The following NOL12 variants were observed in gnomAD, a reference collection of about 807,000 sequenced individuals.
NOL12 encodes the protein nucleolar protein 12.
NOL12 carries 21 observed loss-of-function variants against 25.2 expected under a neutral mutation model. The ratio of observed to expected loss-of-function variants is 0.83; its 90% CI spans 0.59 to 1.20. NOL12 has a LOEUF of 1.20. NOL12 is among the 50% of genes most tolerant of loss of function. The probability of loss-of-function intolerance (pLI) is 0.00; values close to 1 mark genes in which losing one functional copy is unlikely to be tolerated. For missense variants in NOL12, 286 were observed against 287.6 expected (o/e 0.99, Z 0.04); for synonymous variants, 133 against 113.8 (o/e 1.17, Z -1.08).
Position 37,693,326 on chromosome 22 carries a change from C to G in NOL12, c.*1990C>G, listed in dbSNP as rs1005415981. On this transcript the variant is annotated 3_prime_UTR_variant, in exon 6 of 6. Transcript: ENST00000359114. ...ACCACTTACCAAAGTGCCTGTTGCT[C>G]TCCAGGTGTGCCTACCGCATGTTGC... 4 of 152,654 alleles carry G rather than the reference C, an allele frequency of 2.6e-5. No individual in the cohort carries two copies. The highest frequency in any genetic ancestry group is 4.4e-5 in the Non-Finnish European group (3 of 68,078). 9.5% of individuals were successfully genotyped at this position (152,654 alleles called of 1,614,324 possible).
rs1391860607 is a variant in NOL12 at position 37,688,871 on chromosome 22, G to A, written c.260G>A (p.Arg87Gln). The change falls in exon 4 of 6, where the codon CGG (arginine) becomes CAG (glutamine). Residue 87 changes from arginine to glutamine, a missense_variant. Arg to Gln is a conservative substitution (Grantham distance 43). Transcript: ENST00000359114. ...ACAGAGGAGGCAGATGAGCTGGACC[G>A]GTTGGTGACAGCAAAGACGGAGTCG... ...EALEEADELD[R>Q]LVTAKTESVQ... 5.6e-6 allele frequency: 9 copies of A among 1,613,922 alleles called. No homozygotes were observed. Among genetic ancestry groups the A allele is most frequent in the East Asian group, 4.5e-5 (2 of 44,884 alleles).
chr22:37,690,835 G>A (rs1368872402), intron 5 of NOL12, 41 bp downstream of exon 5: 2 of 1,471,170 alleles, frequency 1.4e-6, no homozygotes, highest in South Asian at 2.3e-5. Context: ...CACCCCTCCT[G>A]GCTGGCAGTA....
rs1160076062 is a variant in NOL12, at chr22:37,686,738, CA to C, written c.83+264del. On this transcript the variant is annotated intron_variant, in intron 1 of 5. Coordinates refer to ENST00000359114, the MANE Select transcript of NOL12 (RefSeq NM_024313.3). ...CGGGTCTCAGAGCAGTGGCTTCGACCACCCTAGCCCAGCCCAGTCCATCGGT... is the reference window on the plus strand; with the variant it reads ...CGGGTCTCAGAGCAGTGGCTTCGACCCCCTAGCCCAGCCCAGTCCATCGGT... 6 of 985,354 alleles carry C rather than the reference CA, an allele frequency of 6.1e-6. No individual in the cohort carries two copies. In the African/African-American group the frequency reaches 8.7e-5, roughly 14 times the overall value. The allele number at this position is 985,354 out of a possible 1,614,324, so 61.0% of individuals were successfully genotyped here. A position where few individuals can be genotyped will look rare whatever the true frequency, so the allele number is the denominator to read the frequency against.
intron 3 of NOL12, 93 bp downstream of exon 3, chr22:37,688,453 C>A: frequency 7.3e-7 from 1 of 1,369,436 alleles, no homozygotes; most frequent in Non-Finnish European, 1.0e-6. Flanking sequence ...ACCTCCTTGG[C>A]CCTAGGGATC....
At chr22:37,686,588 G>A (rs1285055732) in intron 1 of NOL12, 113 bp downstream of exon 1, 16 of 1,395,976 alleles carry the variant, frequency 1.1e-5, no homozygotes, top group Non-Finnish European at 1.5e-5. Flanking sequence ...CCCCTGGCGT[G>A]GCTAGAGAAC....
intron 1 of NOL12, chr22:37,686,945 G>A (rs1921841528): frequency 3.0e-6 from 3 of 985,344 alleles, no homozygotes; most frequent in African/African-American, 3.5e-5. Context: ...ATGGCACATG[G>A]TAGCGGGTCA....
At chr22:37,688,465 TG>T in intron 3 of NOL12, 105 bp downstream of exon 3, 7 of 1,247,996 alleles carry the variant, frequency 5.6e-6, no homozygotes, top group Middle Eastern at 2.2e-4. Context: ...CTAGGGATCT[TG>T]GGGGGTACCC....
chr22:37,688,767 CA>C, intron 3 of NOL12, 82 bp from the exon 4 acceptor site: 1 of 1,417,072 alleles, frequency 7.1e-7, no homozygotes. Context: ...GTAGAGGGGG[CA>C]CTGCACTCCA....
At chr22:37,687,875 T>C (rs1921891627) in intron 1 of NOL12, 35 bp from the exon 2 acceptor site, 3 of 1,500,250 alleles carry the variant, frequency 2.0e-6, no homozygotes, top group South Asian at 2.4e-5. Context: ...CCTTGTATAA[T>C]GACTCTCCTG....
At chr22:37,690,637 G>A in intron 4 of NOL12, 60 bp from the exon 5 acceptor site, 2 of 1,298,698 alleles carry the variant, frequency 1.5e-6, no homozygotes, top group Non-Finnish European at 2.2e-6. Flanking sequence ...GGCTCGGGGT[G>A]CCCAGCCCAG....
chr22:37,690,437 A>G (rs1323708810), intron 4 of NOL12, among the ~76,000 whole-genome samples: 3 of 152,224 alleles, frequency 2.0e-5, no homozygotes, highest in African/African-American at 7.2e-5. Context: ...CCGTTTTGCT[A>G]GGATTTTCAT....
Position 37,692,533 on chromosome 22 carries a change from GCAGGAGAGAATTT to G in NOL12, c.*1202_*1214del, listed in dbSNP as rs1922117604. 1 of 398,600 alleles carries G rather than the reference GCAGGAGAGAATTT, an allele frequency of 2.5e-6. No homozygotes were observed. Among genetic ancestry groups the G allele is most frequent in the Non-Finnish European group, 4.4e-6 (1 of 226,146 alleles). The allele number at this position is 398,600 out of a possible 1,614,324, so 24.7% of individuals were successfully genotyped here. On this transcript the variant is annotated 3_prime_UTR_variant, in exon 6 of 6. Coordinates refer to ENST00000359114, the MANE Select transcript of NOL12 (RefSeq NM_024313.3). ...CCTTGTCCCAGCTTGTCAGTCCTGG[GCAGGAGAGAATTT>G]CAGGTTGTGCCTTGGTTAGAGGAGC...
chr22:37,688,363 A>G lies in NOL12; in HGVS notation c.238+3A>G. The G allele has an allele frequency of 1.2e-6, 2 of 1,614,128 alleles. No individual in the cohort carries two copies. Among genetic ancestry groups the G allele is most frequent in the African/African-American group, 2.7e-5 (2 of 75,044 alleles). The stretch of plus-strand genomic sequence containing the variant: ...GGCAGAGAGAGAAGAGGCTCTGGGT[A>G]AGTGGCATGCTTGGCCTGACCTGGA... On this transcript the variant is annotated splice_donor_region_variant and intron_variant, in intron 3 of 5. Coordinates refer to ENST00000359114, the MANE Select transcript of NOL12 (RefSeq NM_024313.3).
rs759889520 is a variant in NOL12 at position 37,691,234 on chromosome 22, T to G, written c.540T>G (p.His180Gln). The change falls in exon 6 of 6, where the codon CAT (histidine) becomes CAG (glutamine). Residue 180 changes from histidine to glutamine, a missense_variant. By Grantham distance (24) the His-to-Gln change is conservative. Transcript: ENST00000359114. Reference sequence around the variant, plus strand: ...GCCGCAAAAAGGTCAAGAGGAAACATCCCCGACGGGCCCAGGACTCCAAAA... The same window carrying G: ...GCCGCAAAAAGGTCAAGAGGAAACAGCCCCGACGGGCCCAGGACTCCAAAA... The part of the protein sequence containing the change: ...AHSRKKVKRK[H>Q]PRRAQDSKKP... The G allele has an allele frequency of 6.2e-7, 1 of 1,613,938 alleles. No homozygotes were observed. The highest frequency in any genetic ancestry group is 2.2e-5 in the East Asian group (1 of 44,874).
In NOL12 at chr22:37,688,318, C is replaced by A. The variant is rs756789450; in HGVS notation, c.196C>A (p.Gln66Lys). ...CCTGCCTGTGTGGTTTCAGCGCCAC[C>A]AGGAATACTTGAAGATGCTGGCAGA... ...EQRKLREERH[Q>K]EYLKMLAERE... The change falls in exon 3 of 6, where the codon CAG (glutamine) becomes AAG (lysine). Residue 66 changes from glutamine to lysine, a missense_variant. By Grantham distance (53) the Gln-to-Lys change is moderately conservative. Transcript: ENST00000359114. The A allele has an allele frequency of 1.2e-6, 2 of 1,614,098 alleles. No individual in the cohort carries two copies. The highest frequency in any genetic ancestry group is 8.5e-7 in the Non-Finnish European group (1 of 1,179,994).
chr22:37,691,446 G>A lies in NOL12; in HGVS notation c.*110G>A, dbSNP rs1922062048. On this transcript the variant is annotated 3_prime_UTR_variant, in exon 6 of 6. Transcript: ENST00000359114. ...CTAGGTAATGACTGCACAGCTCAAG[G>A]TTGGGAAGCCAGGACCTCTCTGGCC... 3 of 1,279,778 alleles carry A rather than the reference G, an allele frequency of 2.3e-6. No homozygotes were observed. The highest frequency in any genetic ancestry group is 1.0e-6 in the Non-Finnish European group (1 of 969,690). The allele number at this position is 1,279,778 out of a possible 1,614,324, so 79.3% of individuals were successfully genotyped here.
At chr22:37,689,807 T>C (rs1016315807) in intron 4 of NOL12, among the ~76,000 whole-genome samples, 2 of 151,916 alleles carry the variant, frequency 1.3e-5, no homozygotes, top group Admixed American at 6.6e-5. Context: ...GCGGGCGTTA[T>C]CACCTGGGGT....
chr22:37,690,353 A>G (rs1922012155), intron 4 of NOL12, among the ~76,000 whole-genome samples: 1 of 152,170 alleles, frequency 6.6e-6, no homozygotes, highest in South Asian at 2.1e-4. Context: ...AAACAAAACC[A>G]TACTGATCTC....
In NOL12 at chr22:37,686,365, GGGAGAGGAAGCCGGC is replaced by G; in HGVS notation, c.-25_-11del. ...TACGCTACACCCGGAAGTGTCTTCA[GGGAGAGGAAGCCGGC>G]GGCCTCACTGCTATGGGCCGCAACA... On this transcript the variant is annotated 5_prime_UTR_variant, in exon 1 of 6. Transcript: ENST00000359114. 1 of 1,579,474 alleles carries G rather than the reference GGGAGAGGAAGCCGGC, an allele frequency of 6.3e-7. No individual in the cohort carries two copies. Among genetic ancestry groups the G allele is most frequent in the Non-Finnish European group, 8.6e-7 (1 of 1,166,194 alleles).
Sources: allele counts gnomAD v4.1 joint callset (sites outside exome capture counted in the v4.1 genomes callset), GRCh38; gene constraint gnomAD v4.1.1; transcripts MANE v1.5; gene names NCBI Gene and HGNC (gene_info 2026-07-23, HGNC 2026-07-21).